The following CFAP69 variants were observed in gnomAD, a reference collection of about 807,000 sequenced individuals.
CFAP69 encodes the protein cilia- and flagella-associated protein 69.
A neutral mutation model predicts 123.0 loss-of-function variants in CFAP69; 92 were observed. The observed-to-expected ratio is 0.75, with a 90% CI of 0.63 to 0.89. The LOEUF is 0.89. Ranked by LOEUF, CFAP69 falls within the 40% of genes least tolerant of loss-of-function variation. The probability of loss-of-function intolerance (pLI) is 0.00; values close to 1 mark genes in which losing one functional copy is unlikely to be tolerated. For missense variants in CFAP69, 1,067 were observed against 1,096.9 expected, an observed-to-expected ratio of 0.97 and a Z score of 0.39; for synonymous variants, 380 against 364.3, an observed-to-expected ratio of 1.04 and a Z score of -0.49.
At chr7:90,299,680 C>T (rs1189493955) in intron 16 of CFAP69, among the ~76,000 whole-genome samples, 187 bp from the exon 17 acceptor site, 1 of 151,926 alleles carries the variant, frequency 6.6e-6, no homozygotes, top group Non-Finnish European at 1.5e-5. Context: ...TACTTTTTAT[C>T]CTTTTAAATT....
intron 9 of CFAP69, among the ~76,000 whole-genome samples, chr7:90,274,974 T>C (rs1257369694): frequency 2.6e-5 from 4 of 152,188 alleles, no homozygotes; most frequent in East Asian, 1.9e-4. Flanking sequence ...CTTTTTGATA[T>C]TGTCCCACAG....
At position 90,245,400 on chromosome 7, in the gene CFAP69, A is replaced by G. The variant is rs1359928337; in HGVS notation, c.-25A>G. The G allele has an allele frequency of 2.6e-6, 4 of 1,521,768 alleles. No homozygotes were observed. In the East Asian group the frequency reaches 1.1e-4, roughly 41 times the overall value. The allele number at this position is 1,521,768 out of a possible 1,614,324, so 94.3% of individuals were successfully genotyped here. Reference sequence around the variant, plus strand: ...CACTGTAGGACAGGAAGATCCCCCCACTCTCCACCCCGCCGCCACCGGCCA... The same window carrying G: ...CACTGTAGGACAGGAAGATCCCCCCGCTCTCCACCCCGCCGCCACCGGCCA... On this transcript the variant is annotated 5_prime_UTR_variant, in exon 1 of 23. Coordinates refer to ENST00000389297, the MANE Select transcript of CFAP69 (RefSeq NM_001039706.3).
chr7:90,298,290 T>G (rs1355575340), intron 16 of CFAP69, among the ~76,000 whole-genome samples: 3 of 152,170 alleles, frequency 2.0e-5, no homozygotes, highest in African/African-American at 4.8e-5. Context: ...TAGTGACTCA[T>G]GGACCATTGT....
At chr7:90,315,526 C>G (rs1011512373), downstream of CFAP69, among the ~76,000 whole-genome samples, 1 of 152,128 alleles carries the variant, frequency 6.6e-6, no homozygotes, top group African/African-American at 2.4e-5. Flanking sequence ...ACCGCATGTT[C>G]TCACTTAAGT....
rs1432461485 is a variant in CFAP69, at chr7:90,310,267, T to C, written c.*29T>C. On this transcript the variant is annotated 3_prime_UTR_variant, in exon 23 of 23. Transcript: ENST00000389297. ...ACTATAGAGACTTTTTGAAATAAAG[T>C]CAGCTTATAATTTTTTAGCTGAATA... 10 of 1,539,474 alleles carry C rather than the reference T, an allele frequency of 6.5e-6. No homozygotes were observed. Among genetic ancestry groups the C allele is most frequent in the Non-Finnish European group, 8.8e-6 (10 of 1,135,892 alleles).
intron 2 of CFAP69, 75 bp downstream of exon 2, chr7:90,255,557 CT>C: frequency 1.8e-6 from 2 of 1,114,014 alleles, no homozygotes; most frequent in Non-Finnish European, 1.3e-6. Context: ...ACATATATTC[CT>C]TCAAATGTAA....
At chr7:90,265,606 GC>G (rs1000762466) in intron 5 of CFAP69, among the ~76,000 whole-genome samples, 8 of 152,322 alleles carry the variant, frequency 5.3e-5, no homozygotes, top group African/African-American at 1.7e-4. Flanking sequence ...ACAAGGACAG[GC>G]TGATAATGTA....
chr7:90,248,736 G>T (rs1208414865), intron 1 of CFAP69, among the ~76,000 whole-genome samples: 1 of 152,180 alleles, frequency 6.6e-6, no homozygotes. Context: ...AGTGATTCCA[G>T]CGTCTTCTTT....
At chr7:90,261,839 T>A in intron 3 of CFAP69, 108 bp from the exon 4 acceptor site, 2 of 526,976 alleles carry the variant, frequency 3.8e-6, no homozygotes, top group South Asian at 8.7e-5. Context: ...TCTACCACAT[T>A]TGGCAAAATA....
At chr7:90,286,945 A>G (rs1004561430) in intron 14 of CFAP69, among the ~76,000 whole-genome samples, 3 of 151,146 alleles carry the variant, frequency 2.0e-5, no homozygotes, top group African/African-American at 7.3e-5. Context: ...AAAATTAGCC[A>G]GGCGTTGTGG....
At chr7:90,323,225 A>G in the CFAP69 span, among the ~76,000 whole-genome samples, 2 of 152,300 alleles carry the variant, frequency 1.3e-5, no homozygotes, top group East Asian at 3.9e-4. Flanking sequence ...ATTTTTCTGA[A>G]GGGTCTACTT....
intron 3 of CFAP69, among the ~76,000 whole-genome samples, chr7:90,261,338 G>A (rs1338471895): frequency 6.6e-6 from 1 of 152,120 alleles, no homozygotes; most frequent in Non-Finnish European, 1.5e-5. Context: ...CTCCCAAAGT[G>A]CTGGGATTAC....
At position 90,277,078 on chromosome 7, in the gene CFAP69, T is replaced by G; in HGVS notation, c.990T>G (p.Cys330Trp). The change falls in exon 10 of 23, where the codon TGT becomes TGG. Residue 330 changes from cysteine (C) to tryptophan (W), a missense_variant. Transcript: ENST00000389297. Reference sequence around the variant, plus strand: ...ATTTTATGTATTTATATTAGGAATGTGGCTTTACCAAGGATTTGATACTGT... The same window carrying G: ...ATTTTATGTATTTATATTAGGAATGGGGCTTTACCAAGGATTTGATACTGT... ...AQNPEAPMIE[C>W]GFTKDLILFA... The G allele has an allele frequency of 6.4e-7, 1 of 1,564,230 alleles. No homozygotes were observed. Among genetic ancestry groups the G allele is most frequent in the Non-Finnish European group, 8.7e-7 (1 of 1,154,116 alleles).
intron 3 of CFAP69, among the ~76,000 whole-genome samples, chr7:90,259,609 G>A (rs1266433438): frequency 6.6e-6 from 1 of 151,960 alleles, no homozygotes; most frequent in Non-Finnish European, 1.5e-5. Flanking sequence ...TCTCACCTCA[G>A]CCTCCCAAGT....
Position 90,271,861 on chromosome 7 carries a change from C to T in CFAP69, c.763C>T (p.Gln255Ter), listed in dbSNP as rs1554359569. Residue 255 changes from glutamine to a stop codon, truncating the protein, a stop_gained, in exon 8 of 23, where the codon CAG becomes TAG. Coordinates refer to ENST00000389297, the MANE Select transcript of CFAP69 (RefSeq NM_001039706.3). LOFTEE classifies it high-confidence loss of function. The part of the protein sequence containing the change: ...THLNDPDPSG[Q>*]LLFRSSEILW... ...CCTCAATGACCCAGATCCCTCTGGA[C>T]AGCTTTTATTTCGTTCATCAGAAAT... 1 of 1,608,686 alleles carries T rather than the reference C, an allele frequency of 6.2e-7. No homozygotes were observed. The highest frequency in any genetic ancestry group is 1.3e-5 in the African/African-American group (1 of 74,908).
chr7:90,288,433 A>T (rs1008765057), intron 15 of CFAP69, 81 bp downstream of exon 15: 1 of 1,485,978 alleles, frequency 6.7e-7, no homozygotes, highest in Non-Finnish European at 9.1e-7. Context: ...TTTCTGAGAA[A>T]TGTTTCCTTA....
rs541154849 is a variant in CFAP69 at position 90,249,820 on chromosome 7, T to C, written c.120+4276T>C. ...TTCTAACAGGTTTCCAGGTGATGCT[T>C]GTGCTGCTAGTTGGAGGACCTCATT... On this transcript the variant is annotated intron_variant, in intron 1 of 22. Transcript: ENST00000389297. Among the ~76,000 whole-genome samples the C allele has an allele frequency of 2.6e-5, 4 of 152,246 alleles. No homozygotes were observed. The East Asian group carries it at 7.7e-4, about 29-fold the overall frequency.
At chr7:90,300,313 A>G (rs2117339416) in intron 17 of CFAP69, 1 of 922,338 alleles carries the variant, frequency 1.1e-6, no homozygotes, top group Non-Finnish European at 1.3e-6. Flanking sequence ...AAAAAAAATT[A>G]AAGTAGTTCC....
intron 16 of CFAP69, among the ~76,000 whole-genome samples, chr7:90,298,779 T>G (rs1792362601): frequency 6.6e-6 from 1 of 152,178 alleles, no homozygotes; most frequent in Non-Finnish European, 1.5e-5. Flanking sequence ...CCTAACATGA[T>G]TCCTGTATTT....
Sources: gnomAD v4.1 joint callset for allele counts (sites outside exome capture counted in the v4.1 genomes callset) on GRCh38, gnomAD v4.1.1 for gene constraint, MANE v1.5 for transcripts, NCBI Gene and HGNC (gene_info 2026-07-23, HGNC 2026-07-21) for gene names.